PDE4D: variants seen among roughly 807,000 people sequenced by gnomAD.
The protein encoded by PDE4D is 3',5'-cyclic-AMP phosphodiesterase 4D.
Under a neutral mutation model 87.4 loss-of-function variants are expected in PDE4D, and 24 were observed. The ratio of observed to expected loss-of-function variants is 0.27; its 90% CI spans 0.20 to 0.39. The LOEUF is 0.39. PDE4D is among the 10% of genes least tolerant of loss of function. The probability of loss-of-function intolerance (pLI) is 1.00; values close to 1 mark genes in which losing one functional copy is unlikely to be tolerated. For synonymous variants in PDE4D, 384 were observed against 383.2 expected, an observed-to-expected ratio of 1.00 and a Z score of -0.02; for missense variants, 714 against 1,041.0, an observed-to-expected ratio of 0.69 and a Z score of 4.32.
intron 1 of PDE4D, among the ~76,000 whole-genome samples, chr5:59,594,296 A>T (rs1272992907): frequency 7.6e-5 from 6 of 79,154 alleles, no homozygotes; most frequent in South Asian, 4.2e-4. Context: ...TTTTTATTTT[A>T]TTTATTTATT....
intron 1 of PDE4D, among the ~76,000 whole-genome samples, chr5:59,889,004 A>G (rs944782032): frequency 7.2e-5 from 11 of 151,994 alleles, no homozygotes; most frequent in African/African-American, 2.4e-4. Context: ...AGGCGGGTGG[A>G]TAACTTGAGG....
Position 60,020,797 on chromosome 5 carries a change from T to A in PDE4D, c.43-32080A>T, listed in dbSNP as rs997646266. 6.6e-5 allele frequency among the ~76,000 whole-genome samples: 10 copies of A among 152,250 alleles called. No individual in the cohort carries two copies. In the South Asian group the frequency reaches 8.3e-4, roughly 13 times the overall value. On this transcript the variant is annotated intron_variant, in intron 2 of 16. Coordinates refer to the PDE4D transcript ENST00000502484. ...CCTAACAAATTGTGAGGAAAAAAAA[T>A]AATTATTGTTCTTAAGCCATTACAT...
intron 1 of PDE4D, among the ~76,000 whole-genome samples, chr5:59,857,757 A>G (rs944259851): frequency 5.9e-5 from 9 of 152,130 alleles, no homozygotes; most frequent in African/African-American, 2.2e-4. Context: ...AGGAAGAGCT[A>G]AAAAAATCTA....
chr5:60,414,156 A>C (rs1742284867), intron 1 of PDE4D, among the ~76,000 whole-genome samples: 1 of 152,188 alleles, frequency 6.6e-6, no homozygotes, highest in South Asian at 2.1e-4. Context: ...TCAAATAAAC[A>C]AACCAAAGCT....
At chr5:59,098,697 C>CA (rs3061415) in intron 5 of PDE4D, among the ~76,000 whole-genome samples, 7,110 of 66,926 alleles carry the variant, frequency 0.11, 540 homozygotes, top group Non-Finnish European at 0.12. Context: ...GAGAAAGACT[C>CA]AAAAAAAAAA....
chr5:59,615,252 G>C (rs1206587629), intron 1 of PDE4D, among the ~76,000 whole-genome samples: 1 of 152,050 alleles, frequency 6.6e-6, no homozygotes, highest in Non-Finnish European at 1.5e-5. Flanking sequence ...CAAACAGTAA[G>C]GTTTCCTGGG....
chr5:59,603,480 G>C (rs1216063341), intron 1 of PDE4D, among the ~76,000 whole-genome samples: 1 of 151,862 alleles, frequency 6.6e-6, no homozygotes, highest in African/African-American at 2.4e-5. Flanking sequence ...GCTATTATCA[G>C]AAAGTCAAAA....
intron 2 of PDE4D, among the ~76,000 whole-genome samples, chr5:60,029,835 T>G (rs1436564268): frequency 6.6e-6 from 1 of 152,226 alleles, no homozygotes; most frequent in South Asian, 2.1e-4. Flanking sequence ...GTGATGGTGA[T>G]GATGTGGTAA....
chr5:58,992,079 AT>A, intron 7 of PDE4D, 75 bp from the exon 8 acceptor site: 1 of 886,666 alleles, frequency 1.1e-6, no homozygotes, highest in Non-Finnish European at 1.6e-6. Context: ...AATTGGAAGG[AT>A]TATAATTGAT....
chr5:60,298,246 T>C (rs914217978), intron 1 of PDE4D, among the ~76,000 whole-genome samples: 8 of 152,222 alleles, frequency 5.3e-5, no homozygotes, highest in African/African-American at 1.7e-4. Context: ...CAATCTCTCC[T>C]GTTTATGACT....
At chr5:59,806,498 C>T (rs1767750743) in intron 1 of PDE4D, among the ~76,000 whole-genome samples, 2 of 152,168 alleles carry the variant, frequency 1.3e-5, no homozygotes, top group Non-Finnish European at 2.9e-5. Context: ...AATGGAACAG[C>T]CATTGTTCTA....
At chr5:59,238,063 A>G (rs1219631278) in intron 1 of PDE4D, among the ~76,000 whole-genome samples, 1 of 152,144 alleles carries the variant, frequency 6.6e-6, no homozygotes, top group East Asian at 1.9e-4. Flanking sequence ...CACAGGGTCT[A>G]GGCAGCCCTG....
At chr5:59,979,837 G>A (rs1761731878) in intron 3 of PDE4D, among the ~76,000 whole-genome samples, 1 of 151,724 alleles carries the variant, frequency 6.6e-6, no homozygotes. Context: ...TTTTTTTTTG[G>A]TTGGGGGGAA....
chr5:59,565,308 C>T (rs940682594), intron 1 of PDE4D, among the ~76,000 whole-genome samples: 1 of 151,930 alleles, frequency 6.6e-6, no homozygotes, highest in African/African-American at 2.4e-5. Context: ...CGCTTGAGCC[C>T]GGGAGATCAA....
At chr5:60,109,991 C>T (rs557414652) in intron 2 of PDE4D, among the ~76,000 whole-genome samples, 2 of 151,816 alleles carry the variant, frequency 1.3e-5, no homozygotes, top group African/African-American at 4.8e-5. Context: ...TGCACATGTA[C>T]CCTAAAACTT....
intron 6 of PDE4D, among the ~76,000 whole-genome samples, chr5:59,013,169 T>C (rs946737331): frequency 6.6e-6 from 1 of 152,190 alleles, no homozygotes; most frequent in African/African-American, 2.4e-5. Flanking sequence ...GGGAAATTTA[T>C]AGCACTAAGT....
At chr5:60,128,053 T>C (rs1779262022) in intron 2 of PDE4D, among the ~76,000 whole-genome samples, 1 of 152,138 alleles carries the variant, frequency 6.6e-6, no homozygotes, top group Admixed American at 6.6e-5. Context: ...AGGGAGAGAC[T>C]ATGTCCAAGT....
intron 1 of PDE4D, among the ~76,000 whole-genome samples, chr5:59,513,398 AT>A (rs1380248037): frequency 6.6e-6 from 1 of 152,228 alleles, no homozygotes; most frequent in Non-Finnish European, 1.5e-5. Context: ...CTCCTAAAAA[AT>A]AATGCATTAC....
At chr5:59,159,332 C>T (rs1780696587) in intron 5 of PDE4D, among the ~76,000 whole-genome samples, 1 of 151,554 alleles carries the variant, frequency 6.6e-6, no homozygotes, top group African/African-American at 2.4e-5. Context: ...AAGGTTTCAT[C>T]ATGTTGCCCA....
Sources: allele counts gnomAD v4.1 joint callset (sites outside exome capture counted in the v4.1 genomes callset), GRCh38; gene constraint gnomAD v4.1.1; transcripts MANE v1.5; gene names NCBI Gene and HGNC (gene_info 2026-07-23, HGNC 2026-07-21).